The following SLC8A1 variants were observed in gnomAD, a reference collection of about 807,000 sequenced individuals.
SLC8A1 encodes the protein sodium/calcium exchanger 1.
In SLC8A1, 18 loss-of-function variants were observed where a neutral mutation model predicts 68.3. The observed-to-expected ratio is 0.26, with a 90% CI of 0.18 to 0.39. The LOEUF is 0.39. Ranked by LOEUF, SLC8A1 falls within the 10% of genes least tolerant of loss-of-function variation. SLC8A1 has a pLI of 1.00. For missense variants in SLC8A1, 985 were observed against 1,156.7 expected (o/e 0.85, Z 2.15); for synonymous variants, 475 against 415.5 (o/e 1.14, Z -1.74).
chr2:40,155,395 C>T (rs903311372), intron 6 of SLC8A1, among the ~76,000 whole-genome samples: 2 of 152,136 alleles, frequency 1.3e-5, no homozygotes, highest in Non-Finnish European at 2.9e-5. Flanking sequence ...TCCCAAAGTG[C>T]TGGGATTACA....
At position 40,378,824 on chromosome 2, in the gene SLC8A1, T is replaced by A. The variant is rs149008198; in HGVS notation, c.1808+49649A>T. On this transcript the variant is annotated intron_variant, in intron 2 of 7. Transcript: ENST00000406785. ...TCTCTCTTTAAAATGGCCTTGCCCC[T>A]CATTTTGCTGAGGTTGAGCTCAATG... Among the ~76,000 whole-genome samples, 887 of 152,200 alleles carry A rather than the reference T, an allele frequency of 5.8e-3. 5 individuals are homozygous for A. Among genetic ancestry groups the A allele is most frequent in the African/African-American group, 0.02 (831 of 41,550 alleles).
At chr2:40,390,234 C>T (rs1167927160) in intron 2 of SLC8A1, among the ~76,000 whole-genome samples, 4 of 152,036 alleles carry the variant, frequency 2.6e-5, no homozygotes, top group African/African-American at 4.8e-5. Context: ...TACTCTTCAC[C>T]GACATTCCTT....
intron 2 of SLC8A1, among the ~76,000 whole-genome samples, chr2:40,422,008 G>C (rs1695640952): frequency 6.6e-6 from 1 of 152,090 alleles, no homozygotes; most frequent in Admixed American, 6.6e-5. Flanking sequence ...TCCAGGGCAG[G>C]AACTGCAAGG....
intron 2 of SLC8A1, among the ~76,000 whole-genome samples, chr2:40,424,096 A>C (rs189582717): frequency 3.9e-5 from 6 of 152,092 alleles, no homozygotes; most frequent in Admixed American, 2.6e-4. Context: ...GCTATAAAGT[A>C]AAGCTTGAAT....
At chr2:40,241,109 C>T (rs1029906650) in intron 2 of SLC8A1, among the ~76,000 whole-genome samples, 2 of 152,124 alleles carry the variant, frequency 1.3e-5, no homozygotes, top group Middle Eastern at 3.2e-3. Context: ...AGGTGCCCAT[C>T]AACAGTGGAT....
intron 2 of SLC8A1, among the ~76,000 whole-genome samples, chr2:40,269,467 GA>G (rs2149128512): frequency 6.6e-6 from 1 of 152,308 alleles, no homozygotes; most frequent in East Asian, 1.9e-4. Flanking sequence ...GAAAGGTAGC[GA>G]AAAAGTTAGT....
intron 2 of SLC8A1, among the ~76,000 whole-genome samples, chr2:40,220,901 A>G (rs1239095914): frequency 6.6e-6 from 1 of 152,076 alleles, no homozygotes; most frequent in Non-Finnish European, 1.5e-5. Context: ...TCAACCAAAA[A>G]AAAGCTCAGG....
chr2:40,329,901 C>A (rs1463734077), intron 2 of SLC8A1, among the ~76,000 whole-genome samples: 2 of 152,022 alleles, frequency 1.3e-5, no homozygotes, highest in Non-Finnish European at 2.9e-5. Flanking sequence ...GAATTTATGA[C>A]CAACCCTCCA....
chr2:40,281,950 G>A (rs1442501783), intron 2 of SLC8A1, among the ~76,000 whole-genome samples: 1 of 152,166 alleles, frequency 6.6e-6, no homozygotes, highest in Non-Finnish European at 1.5e-5. Context: ...AATACTCAAA[G>A]TTGGTAGTTC....
At chr2:40,179,887 C>T (rs2049139936) in intron 2 of SLC8A1, among the ~76,000 whole-genome samples, 1 of 152,132 alleles carries the variant, frequency 6.6e-6, no homozygotes, top group African/African-American at 2.4e-5. Flanking sequence ...TGCTTTTTGG[C>T]TTAGCATTGT....
chr2:40,257,424 CTT>C (rs560681453), intron 2 of SLC8A1, among the ~76,000 whole-genome samples: 9 of 145,276 alleles, frequency 6.2e-5, no homozygotes, highest in African/African-American at 5.0e-5. Flanking sequence ...TGTTTACCAC[CTT>C]TTTTTTTTTT....
intron 1 of SLC8A1, among the ~76,000 whole-genome samples, chr2:40,489,006 C>A (rs1705150419): frequency 6.6e-6 from 1 of 152,116 alleles, no homozygotes. Flanking sequence ...ACTATAGCAA[C>A]AATCATACTC....
intron 2 of SLC8A1, among the ~76,000 whole-genome samples, chr2:40,294,970 CTA>C (rs2070073803): frequency 6.6e-6 from 1 of 152,154 alleles, no homozygotes; most frequent in East Asian, 1.9e-4. Context: ...AAAAGTTATA[CTA>C]TGTTAAGTTC....
At chr2:40,186,686 A>G (rs1052231358) in intron 2 of SLC8A1, among the ~76,000 whole-genome samples, 2 of 152,234 alleles carry the variant, frequency 1.3e-5, no homozygotes, top group Non-Finnish European at 1.5e-5. Flanking sequence ...GAATTAATCC[A>G]GAAGTCAACA....
intron 6 of SLC8A1, among the ~76,000 whole-genome samples, chr2:40,156,228 G>C (rs985045122): frequency 6.6e-6 from 1 of 152,160 alleles, no homozygotes; most frequent in South Asian, 2.1e-4. Flanking sequence ...CCATGTTTCA[G>C]TATTGGATGG....
At chr2:40,473,105 C>T (rs1385124916) in intron 1 of SLC8A1, among the ~76,000 whole-genome samples, 1 of 151,986 alleles carries the variant, frequency 6.6e-6, no homozygotes, top group East Asian at 1.9e-4. Flanking sequence ...TACTCTGTTT[C>T]CCGAGTATAG....
At chr2:40,181,090 G>A (rs1310244141) in intron 2 of SLC8A1, among the ~76,000 whole-genome samples, 5 of 152,294 alleles carry the variant, frequency 3.3e-5, no homozygotes, top group African/African-American at 1.2e-4. Flanking sequence ...CTCCTGAGTA[G>A]CTGGGATTAC....
intron 2 of SLC8A1, among the ~76,000 whole-genome samples, chr2:40,385,022 C>T (rs1683109943): frequency 6.6e-6 from 1 of 151,984 alleles, no homozygotes; most frequent in Non-Finnish European, 1.5e-5. Flanking sequence ...ATAGTACTTT[C>T]TTATAAAATA....
chr2:40,488,288 C>A (rs1238774708), intron 1 of SLC8A1, among the ~76,000 whole-genome samples: 1 of 151,872 alleles, frequency 6.6e-6, no homozygotes, highest in Non-Finnish European at 1.5e-5. Flanking sequence ...CCTCTCCCCT[C>A]CTGCTAGCTC....
Sources: gnomAD v4.1 joint callset for allele counts (sites outside exome capture counted in the v4.1 genomes callset) on GRCh38, gnomAD v4.1.1 for gene constraint, MANE v1.5 for transcripts, NCBI Gene and HGNC (gene_info 2026-07-23, HGNC 2026-07-21) for gene names.